Variants in RBKS observed in about 807,000 individuals in gnomAD.
RBKS encodes the protein ribokinase.
In RBKS, 33 loss-of-function variants were observed where a neutral mutation model predicts 33.9. The observed-to-expected ratio is 0.97, with a 90% CI of 0.74 to 1.30. RBKS has a LOEUF of 1.30. Ranked by LOEUF, RBKS falls within the 50% of genes most tolerant of loss-of-function variation. RBKS has a pLI of 0.00. For synonymous variants in RBKS, 125 were observed against 143.0 expected (o/e 0.87, Z 0.90); for missense variants, 361 against 392.6 (o/e 0.92, Z 0.68).
At chr2:27,788,860 A>G (rs952877474) in intron 7 of RBKS, among the ~76,000 whole-genome samples, 6 of 152,230 alleles carry the variant, frequency 3.9e-5, no homozygotes, top group Admixed American at 3.3e-4. Context: ...AATTAAAGAA[A>G]AACAAATGGT....
At chr2:27,844,114 G>C (rs1176537610) in intron 4 of RBKS, among the ~76,000 whole-genome samples, 1 of 152,050 alleles carries the variant, frequency 6.6e-6, no homozygotes, top group Non-Finnish European at 1.5e-5. Context: ...ACAAAAATTA[G>C]CTGGGCGTGG....
intron 7 of RBKS, chr2:27,809,868 C>T: frequency 8.1e-7 from 1 of 1,234,774 alleles, no homozygotes. Context: ...TGCTGATGCA[C>T]AAAATTTTGA....
Position 27,890,019 on chromosome 2 carries a change from A to G in RBKS, c.89+238T>C. The G allele has an allele frequency of 2.2e-6, 1 of 459,154 alleles. No homozygotes were observed. The highest frequency in any genetic ancestry group is 3.9e-6 in the Non-Finnish European group (1 of 254,948). 28.4% of individuals were successfully genotyped at this position (459,154 alleles called of 1,614,324 possible). A position where few individuals can be genotyped will look rare whatever the true frequency, so the allele number is the denominator to read the frequency against. On this transcript the variant is annotated intron_variant, in intron 1 of 7. Coordinates refer to ENST00000302188, the MANE Select transcript of RBKS (RefSeq NM_022128.3). The surrounding 1 kb of genome is among the most constrained non-coding windows in gnomAD (Gnocchi z 4.8). The stretch of plus-strand genomic sequence containing the variant: ...GTCTTTGGGGAGCGCTTTGAGTAAT[A>G]TTAGAGCTTTCACTAAACCCTGGCC...
chr2:27,781,927 C>G (rs932830965), intron 7 of RBKS, 139 bp from the exon 8 acceptor site: 1 of 635,076 alleles, frequency 1.6e-6, no homozygotes, highest in African/African-American at 1.9e-5. Flanking sequence ...AGAGTTTCCA[C>G]GTACTCAGAC....
At chr2:27,789,953 A>G (rs958310264) in intron 7 of RBKS, among the ~76,000 whole-genome samples, 10 of 136,250 alleles carry the variant, frequency 7.3e-5, no homozygotes, top group East Asian at 2.1e-4. Flanking sequence ...ATATGTGTAT[A>G]TATATATATA....
intron 7 of RBKS, among the ~76,000 whole-genome samples, chr2:27,827,358 T>C (rs1678331522): frequency 6.6e-6 from 1 of 152,222 alleles, no homozygotes; most frequent in African/African-American, 2.4e-5. Context: ...GGAAACTACG[T>C]CTCAGAGAGG....
At chr2:27,861,947 ATTTTTTTT>A (rs763090773) in intron 1 of RBKS, among the ~76,000 whole-genome samples, 4 of 113,726 alleles carry the variant, frequency 3.5e-5, no homozygotes, top group East Asian at 2.4e-4. Context: ...GCCTGGCCTG[ATTTTTTTT>A]TTTTTTTTTT....
chr2:27,858,026 A>C (rs921384740), intron 2 of RBKS, among the ~76,000 whole-genome samples: 3 of 152,250 alleles, frequency 2.0e-5, no homozygotes, highest in African/African-American at 7.2e-5. Context: ...ATATTATTCA[A>C]CCACAAAAAG....
chr2:27,792,129 G>C (rs1245335890), intron 7 of RBKS, among the ~76,000 whole-genome samples: 1 of 152,160 alleles, frequency 6.6e-6, no homozygotes, highest in Non-Finnish European at 1.5e-5. Context: ...GAGATTTACT[G>C]TGGGCCATGC....
intron 7 of RBKS, among the ~76,000 whole-genome samples, chr2:27,788,213 T>C (rs1371362263): frequency 6.6e-6 from 1 of 152,126 alleles, no homozygotes; most frequent in Non-Finnish European, 1.5e-5. Flanking sequence ...TACTCAACAT[T>C]GTACTGGATT....
intron 1 of RBKS, among the ~76,000 whole-genome samples, chr2:27,886,560 G>A (rs1219430284): frequency 3.9e-5 from 6 of 152,072 alleles, no homozygotes; most frequent in Admixed American, 3.3e-4. Flanking sequence ...CAGAGTTAGA[G>A]GTAGAATGAT....
chr2:27,880,367 C>T (rs115328086), intron 1 of RBKS, among the ~76,000 whole-genome samples: 4 of 152,156 alleles, frequency 2.6e-5, no homozygotes, highest in Admixed American at 6.5e-5. Flanking sequence ...CAGCACAAGA[C>T]GAGGATGCCT....
At chr2:27,879,719 A>G (rs1047542825) in intron 1 of RBKS, among the ~76,000 whole-genome samples, 2 of 152,310 alleles carry the variant, frequency 1.3e-5, no homozygotes, top group Non-Finnish European at 2.9e-5. Flanking sequence ...ACCTCTATGC[A>G]CACAAACTAG....
chr2:27,867,773 G>A (rs1296405496), intron 1 of RBKS, among the ~76,000 whole-genome samples: 1 of 152,148 alleles, frequency 6.6e-6, no homozygotes, highest in African/African-American at 2.4e-5. Context: ...GCAAGGGCAG[G>A]CAAAATGTAT....
rs369281270 is a variant in RBKS at position 27,873,307 on chromosome 2, C to T, written c.90-14736G>A. 2.0e-5 allele frequency among the ~76,000 whole-genome samples: 3 copies of T among 152,316 alleles called. No individual in the cohort carries two copies. In the East Asian group the frequency reaches 5.8e-4, roughly 29 times the overall value. The stretch of plus-strand genomic sequence containing the variant: ...GTCCCCACACAGACATTCTACACAG[C>T]TGCTATTCTTGGGCAACTGTGGCAT... On this transcript the variant is annotated intron_variant, in intron 1 of 7. Transcript: ENST00000302188.
In RBKS at chr2:27,808,257, A is replaced by G. The variant is rs145533542; in HGVS notation, c.795+19310T>C. On this transcript the variant is annotated intron_variant, in intron 7 of 7. Coordinates refer to ENST00000302188, the MANE Select transcript of RBKS (RefSeq NM_022128.3). The stretch of plus-strand genomic sequence containing the variant: ...AATGACACTGATCTTCTGAATTTCA[A>G]TACATTGATTATATTTCAACTACTA... 3.9e-3 allele frequency among the ~76,000 whole-genome samples: 599 copies of G among 152,346 alleles called. 4 individuals are homozygous for G. The highest frequency in any genetic ancestry group is 0.014 in the African/African-American group (573 of 41,568).
At chr2:27,784,229 C>T (rs1348208177) in intron 7 of RBKS, among the ~76,000 whole-genome samples, 1 of 151,806 alleles carries the variant, frequency 6.6e-6, no homozygotes, top group Non-Finnish European at 1.5e-5. Context: ...GTGATCCGCC[C>T]GCCTCGGCCT....
chr2:27,806,669 G>A (rs1403678134), intron 7 of RBKS, among the ~76,000 whole-genome samples: 1 of 152,142 alleles, frequency 6.6e-6, no homozygotes, highest in Non-Finnish European at 1.5e-5. Context: ...TTCTAACTTT[G>A]CTCAAAAATA....
intron 7 of RBKS, among the ~76,000 whole-genome samples, chr2:27,799,479 C>T (rs1573036572): frequency 1.3e-5 from 2 of 152,224 alleles, no homozygotes; most frequent in Non-Finnish European, 2.9e-5. Flanking sequence ...TTTTCAAAAC[C>T]TCTCCCTACA....
Sources: allele counts gnomAD v4.1 joint callset (sites outside exome capture counted in the v4.1 genomes callset), GRCh38; gene constraint gnomAD v4.1.1; non-coding constraint Gnocchi (gnomAD v3.1); transcripts MANE v1.5; gene names NCBI Gene and HGNC (gene_info 2026-07-23, HGNC 2026-07-21).